Variants in NEK10 observed in about 807,000 individuals in gnomAD.
NEK10 encodes the protein NIMA related kinase 10.
Under a neutral mutation model 159.8 loss-of-function variants are expected in NEK10, and 122 were observed. The observed-to-expected ratio is 0.76, with a 90% CI of 0.66 to 0.89. The LOEUF is 0.89. Among genes scored for constraint, NEK10 ranks in the 40% least tolerant of loss-of-function variants. NEK10 has a pLI of 0.00. For missense variants in NEK10, 1,342 were observed against 1,323.1 expected (o/e 1.01, Z -0.22); for synonymous variants, 466 against 457.1 (o/e 1.02, Z -0.25).
intron 23 of NEK10, among the ~76,000 whole-genome samples, chr3:27,249,117 C>T (rs573320511): frequency 2.0e-5 from 3 of 152,266 alleles, no homozygotes; most frequent in South Asian, 4.1e-4. Context: ...AGTGAATTCT[C>T]ATGTGATCGG....
chr3:27,181,350 G>C (rs183548035), intron 26 of NEK10, among the ~76,000 whole-genome samples: 80 of 151,836 alleles, frequency 5.3e-4, no homozygotes, highest in Admixed American at 1.1e-3. Context: ...TTGTTATTAA[G>C]AAAATCACAA....
chr3:27,170,753 C>A (rs1315706105), intron 29 of NEK10, among the ~76,000 whole-genome samples: 1 of 152,036 alleles, frequency 6.6e-6, no homozygotes, highest in African/African-American at 2.4e-5. Flanking sequence ...ATACAGAAAC[C>A]ATAAAGTATA....
intron 25 of NEK10, among the ~76,000 whole-genome samples, chr3:27,197,796 C>CT (rs35835923): frequency 1.2e-3 from 170 of 146,212 alleles, no homozygotes; most frequent in African/African-American, 2.7e-3. Flanking sequence ...TACTTTCTTT[C>CT]TTTTTTTTTT....
intron 23 of NEK10, among the ~76,000 whole-genome samples, chr3:27,255,960 T>C (rs1279191398): frequency 6.6e-6 from 1 of 152,146 alleles, no homozygotes; most frequent in East Asian, 1.9e-4. Context: ...GTTCCAAGTA[T>C]CATGTTGGGT....
At chr3:27,271,964 G>C (rs552085642) in intron 22 of NEK10, among the ~76,000 whole-genome samples, 3 of 152,256 alleles carry the variant, frequency 2.0e-5, no homozygotes, top group Admixed American at 1.3e-4. Flanking sequence ...CCAGCCTTCA[G>C]ATGGAAAAGT....
chr3:27,311,945 A>T (rs1187243257), intron 8 of NEK10, 154 bp downstream of exon 8: 6 of 612,406 alleles, frequency 9.8e-6, no homozygotes, highest in Non-Finnish European at 1.5e-5. Context: ...GTATGTTGCC[A>T]CTGAATATAA....
chr3:27,258,225 T>C (rs1285966234), intron 22 of NEK10, among the ~76,000 whole-genome samples: 1 of 152,176 alleles, frequency 6.6e-6, no homozygotes. Context: ...GTATTATATA[T>C]ATTTTTTATT....
chr3:27,225,279 G>A (rs1952514447), intron 23 of NEK10, among the ~76,000 whole-genome samples: 1 of 152,112 alleles, frequency 6.6e-6, no homozygotes, highest in Non-Finnish European at 1.5e-5. Context: ...CAAGATTAAG[G>A]GTGGGTCTAC....
chr3:27,360,615 A>G (rs1413733379), intron 1 of NEK10, among the ~76,000 whole-genome samples: 1 of 152,210 alleles, frequency 6.6e-6, no homozygotes, highest in African/African-American at 2.4e-5. Flanking sequence ...ACTTGTTGAT[A>G]TTGGCCCTTA....
chr3:27,171,829 A>C lies in NEK10; in HGVS notation c.2821T>G (p.Ser941Ala). 6.2e-7 allele frequency: 1 copy of C among 1,613,812 alleles called. No homozygotes were observed. ...TCAATTTGCACCTACCTTGTTTGGG[A>C]TTGTCTTTCTCCTCCTGAAGCACTA... is the stretch of plus-strand genomic sequence containing the variant. ...SFSASGGERQSQTRDFTGGTG... is the reference protein window; with the variant it reads ...SFSASGGERQAQTRDFTGGTG... Residue 941 changes from serine (S) to alanine (A), a missense_variant, in exon 29 of 36, where the codon TCC becomes GCC. Physicochemically the swap from Ser to Ala is moderately conservative, Grantham distance 99. Transcript: ENST00000691995.
intron 23 of NEK10, among the ~76,000 whole-genome samples, chr3:27,230,894 A>T (rs773709618): frequency 5.3e-5 from 8 of 151,994 alleles, no homozygotes; most frequent in Non-Finnish European, 8.8e-5. Flanking sequence ...GACTCAAAAA[A>T]TGAGATAGAT....
intron 23 of NEK10, among the ~76,000 whole-genome samples, chr3:27,203,891 T>C (rs1950258792): frequency 6.6e-6 from 1 of 152,164 alleles, no homozygotes; most frequent in Non-Finnish European, 1.5e-5. Flanking sequence ...TGTTTTTCAG[T>C]TCAATAATAC....
At chr3:27,119,239 G>T (rs1053253125) in intron 33 of NEK10, among the ~76,000 whole-genome samples, 1 of 152,174 alleles carries the variant, frequency 6.6e-6, no homozygotes, top group Non-Finnish European at 1.5e-5. Context: ...TCCATAGTCA[G>T]CTACTAAATG....
chr3:27,361,218 G>C (rs1483524822), intron 1 of NEK10, among the ~76,000 whole-genome samples: 2 of 152,132 alleles, frequency 1.3e-5, no homozygotes, highest in Non-Finnish European at 2.9e-5. Flanking sequence ...TATAAATGTA[G>C]GTTCTGTGGA....
chr3:27,125,940 G>A (rs1941893385), intron 32 of NEK10, among the ~76,000 whole-genome samples: 1 of 152,192 alleles, frequency 6.6e-6, no homozygotes, highest in Non-Finnish European at 1.5e-5. Flanking sequence ...TGTCAAGGAA[G>A]AGTGAACGGT....
Position 27,131,950 on chromosome 3 carries a change from A to G in NEK10, c.3011T>C (p.Ile1004Thr). 1.2e-6 allele frequency: 2 copies of G among 1,609,032 alleles called. No individual in the cohort carries two copies. The highest frequency in any genetic ancestry group is 1.1e-5 in the South Asian group (1 of 90,830). ...GAAGAGGGATTTCTTGAATCTCTCT[A>G]TAACCCTTCTTTTCAAATTGTGGTG... ...ALHHNLKRRV[I>T]ERFKKSLFSQ... The change falls in exon 32 of 36, where the codon ATA (isoleucine) becomes ACA (threonine). Residue 1004 changes from isoleucine (I) to threonine (T), a missense_variant. Physicochemically the swap from Ile to Thr is moderately conservative, Grantham distance 89. Coordinates refer to ENST00000691995, the MANE Select transcript of NEK10 (RefSeq NM_001394966.1).
intron 23 of NEK10, among the ~76,000 whole-genome samples, chr3:27,233,426 G>GA (rs1559659445): frequency 6.6e-6 from 1 of 151,852 alleles, no homozygotes; most frequent in African/African-American, 2.4e-5. Context: ...TGGATGTGGT[G>GA]AAAAAGGAAC....
At chr3:27,211,395 C>T (rs983612439) in intron 23 of NEK10, among the ~76,000 whole-genome samples, 9 of 152,074 alleles carry the variant, frequency 5.9e-5, no homozygotes, top group East Asian at 1.9e-4. Flanking sequence ...TAGTGAAGAA[C>T]GGACTGTCAT....
intron 1 of NEK10, among the ~76,000 whole-genome samples, chr3:27,358,426 T>G (rs2048464254): frequency 6.6e-6 from 1 of 152,184 alleles, no homozygotes; most frequent in African/African-American, 2.4e-5. Flanking sequence ...ATTGTTGAAT[T>G]TTTAAATCCA....
Sources: gnomAD v4.1 joint callset for allele counts (sites outside exome capture counted in the v4.1 genomes callset) on GRCh38, gnomAD v4.1.1 for gene constraint, MANE v1.5 for transcripts, NCBI Gene and HGNC (gene_info 2026-07-23, HGNC 2026-07-21) for gene names.